The following POTEM variants were observed in gnomAD, a reference collection of about 807,000 sequenced individuals.
POTEM encodes putative POTE ankyrin domain family member M.
For synonymous variants in POTEM, 8 were observed against 113.2 expected, an observed-to-expected ratio of 0.07 and a Z score of 5.90; for missense variants, 24 against 343.0, an observed-to-expected ratio of 0.07 and a Z score of 7.35.
chr14:18,969,317 GTATATATATATA>G (rs796722398), intron 1 of POTEM, among the ~76,000 whole-genome samples: 34 of 84,706 alleles, frequency 4.0e-4, no homozygotes, highest in Non-Finnish European at 7.1e-4. Context: ...GTATATATAT[GTATATATATATA>G]TATACGTATA....
chr14:18,968,822 CAA>C (rs71222663), intron 1 of POTEM, among the ~76,000 whole-genome samples: 88 of 145,746 alleles, frequency 6.0e-4, no homozygotes, highest in African/African-American at 2.1e-3. Flanking sequence ...GACTCCGTCT[CAA>C]AAAAAAAAAA....
intron 6 of POTEM, among the ~76,000 whole-genome samples, chr14:18,982,228 A>G (rs1891100791): frequency 6.6e-6 from 1 of 150,498 alleles, no homozygotes; most frequent in Non-Finnish European, 1.5e-5. Flanking sequence ...AGAATAAGGA[A>G]TGGCTATTGA....
chr14:18,967,956 C>T lies in POTEM; in HGVS notation c.471C>T (p.Leu157=). ...AWWGKVPRKD[L]IVMLKDTDMN... is the part of the protein sequence containing the mutation. ...GGGGTAAAGTCCCCAGAAAGGATCT[C>T]ATCGTCATGCTCAAGGACACTGACA... The change falls in exon 1 of 11, where the codon CTC becomes CTT. Residue 157 remains leucine (L), a synonymous_variant. Coordinates refer to ENST00000547889, the MANE Select transcript of POTEM (RefSeq NM_001145442.1). The T allele has an allele frequency of 1.3e-6, 2 of 1,496,256 alleles. No individual in the cohort carries two copies. Among genetic ancestry groups the T allele is most frequent in the Non-Finnish European group, 9.2e-7 (1 of 1,085,190 alleles). 92.7% of individuals were successfully genotyped at this position (1,496,256 alleles called of 1,614,324 possible). A position where few individuals can be genotyped will look rare whatever the true frequency, so the allele number is the denominator to read the frequency against.
chr14:18,969,335 GTATATACA>G, intron 1 of POTEM, among the ~76,000 whole-genome samples: 1 of 76,988 alleles, frequency 1.3e-5, no homozygotes, highest in Non-Finnish European at 2.5e-5. Flanking sequence ...ATATATATAC[GTATATACA>G]TATATATACA....
intron 9 of POTEM, among the ~76,000 whole-genome samples, chr14:18,996,566 G>A: frequency 8.1e-6 from 1 of 123,284 alleles, no homozygotes; most frequent in African/African-American, 3.3e-5. Flanking sequence ...TCCTAAGAGT[G>A]TGACCTGAAC....
intron 6 of POTEM, among the ~76,000 whole-genome samples, chr14:18,984,811 T>TGTG (rs1324051619): frequency 3.3e-5 from 1 of 30,012 alleles, no homozygotes; most frequent in African/African-American, 2.0e-4. Context: ...ATTAGCTGGG[T>TGTG]GTGGTGGTGC....
At chr14:18,985,809 G>A (rs1376300026) in intron 7 of POTEM, among the ~76,000 whole-genome samples, 369 of 143,834 alleles carry the variant, frequency 2.6e-3, no homozygotes, top group African/African-American at 9.7e-3. Context: ...GGAGGCTGAG[G>A]CAGGAGAATG....
At chr14:18,982,751 G>GTT (rs58175667) in intron 6 of POTEM, among the ~76,000 whole-genome samples, 2 of 48,730 alleles carry the variant, frequency 4.1e-5, no homozygotes, top group African/African-American at 1.4e-4. Context: ...CTTTGTTTTT[G>GTT]TTTTTTTTTT....
At chr14:18,985,897 C>G (rs1280156671) in intron 7 of POTEM, among the ~76,000 whole-genome samples, 11 of 108,384 alleles carry the variant, frequency 1.0e-4, no homozygotes, top group Middle Eastern at 5.3e-3. Context: ...GAGCAAGACT[C>G]TGTGTCAAAA....
In POTEM at chr14:18,999,493, T is replaced by G. The variant is rs1209406007; in HGVS notation, c.*828T>G. Among the ~76,000 whole-genome samples the G allele has an allele frequency of 9.3e-6, 1 of 107,322 alleles. No individual in the cohort carries two copies. The highest frequency in any genetic ancestry group is 2.2e-5 in the Non-Finnish European group (1 of 45,612). The allele number at this position is 107,322 out of a possible 152,430, so 70.4% of individuals were successfully genotyped here. A position where few individuals can be genotyped will look rare whatever the true frequency, so the allele number is the denominator to read the frequency against. On this transcript the variant is annotated 3_prime_UTR_variant, in exon 11 of 11. Transcript: ENST00000547889. Reference sequence around the variant, plus strand: ...ACCACCATGGCCGAGCAGGAAATCGTGCGTGACATCACAGAGAAGCTGTGC... The same window carrying G: ...ACCACCATGGCCGAGCAGGAAATCGGGCGTGACATCACAGAGAAGCTGTGC...
intron 1 of POTEM, among the ~76,000 whole-genome samples, chr14:18,968,659 A>G (rs1468544850): frequency 2.6e-3 from 385 of 148,518 alleles, no homozygotes; most frequent in South Asian, 0.013. Context: ...TCTCTACTAA[A>G]AAATATAAAA....
chr14:18,981,932 A>ATT (rs1891092876), intron 6 of POTEM, among the ~76,000 whole-genome samples: 1 of 148,656 alleles, frequency 6.7e-6, no homozygotes, highest in African/African-American at 2.5e-5. Flanking sequence ...AACAGTAGGA[A>ATT]CCAGAGTTGT....
chr14:18,986,161 A>G (rs1486497868), intron 7 of POTEM, among the ~76,000 whole-genome samples: 2 of 145,192 alleles, frequency 1.4e-5, no homozygotes, highest in Non-Finnish European at 3.0e-5. Flanking sequence ...TTATTTTTAC[A>G]ACACCCTAAC....
chr14:19,002,469 TAAA>T lies in POTEM; in HGVS notation c.*3808_*3810del, dbSNP rs1891397559. On this transcript the variant is annotated 3_prime_UTR_variant, in exon 11 of 11. Coordinates refer to ENST00000547889, the MANE Select transcript of POTEM (RefSeq NM_001145442.1). ...CCCCTTTTAAAAAAGGGGACTTGCT[TAAA>T]AAAGAAGTCTAGCCACGATTGTGTA... Among the ~76,000 whole-genome samples, 1 of 148,250 alleles carries T rather than the reference TAAA, an allele frequency of 6.7e-6. No individual in the cohort carries two copies. The highest frequency in any genetic ancestry group is 2.5e-5 in the African/African-American group (1 of 39,892).
rs1426464294 is a variant in POTEM, at chr14:18,977,811, G to T, written c.1055+208G>T. 1.8e-5 allele frequency: 10 copies of T among 554,834 alleles called. No homozygotes were observed. The African/African-American group carries it at 1.9e-4, about 10-fold the overall frequency. 34.4% of individuals were successfully genotyped at this position (554,834 alleles called of 1,614,324 possible). On this transcript the variant is annotated intron_variant, in intron 5 of 10. Coordinates refer to ENST00000547889, the MANE Select transcript of POTEM (RefSeq NM_001145442.1). ...GTGGGTGCAGGATTCTTTATCTCAGGACTTTTAAGACCTTTATCCATAGAG... is the reference window on the plus strand; with the variant it reads ...GTGGGTGCAGGATTCTTTATCTCAGTACTTTTAAGACCTTTATCCATAGAG...
chr14:18,999,401 A>AG lies in POTEM; in HGVS notation c.*737dup, dbSNP rs1273793174. Among the ~76,000 whole-genome samples the AG allele has an allele frequency of 1.5e-5, 2 of 133,660 alleles. No homozygotes were observed. Among genetic ancestry groups the AG allele is most frequent in the African/African-American group, 5.6e-5 (2 of 35,408 alleles). The allele number at this position is 133,660 out of a possible 152,430, so 87.7% of individuals were successfully genotyped here. Reference sequence around the variant, plus strand: ...CCCTCCCCCATGCCACCCTGCGCCTAGACCTGGCTGGCCGGGAACTGACTG... The same window carrying AG: ...CCCTCCCCCATGCCACCCTGCGCCTAGGACCTGGCTGGCCGGGAACTGACTG... On this transcript the variant is annotated 3_prime_UTR_variant, in exon 11 of 11. Coordinates refer to ENST00000547889, the MANE Select transcript of POTEM (RefSeq NM_001145442.1).
chr14:18,982,798 A>AT (rs1445713588), intron 6 of POTEM, among the ~76,000 whole-genome samples: 1 of 58,292 alleles, frequency 1.7e-5, no homozygotes, highest in Non-Finnish European at 4.0e-5. Flanking sequence ...GTTTAGCTTA[A>AT]TTTTTTTCCC....
At chr14:18,986,123 C>T (rs1214325764) in intron 7 of POTEM, among the ~76,000 whole-genome samples, 2 of 143,112 alleles carry the variant, frequency 1.4e-5, no homozygotes, top group East Asian at 2.0e-4. Flanking sequence ...GGAATAGAGG[C>T]AAAAACAAAT....
rs1891371515 is a variant in POTEM, at chr14:19,000,528, G to GC, written c.*1865dup. ...GTCTCCCTGAGAGTGGCTGGAGGCA[G>GC]CCAGGGCTTACCTGTACTCTGACTT... On this transcript the variant is annotated 3_prime_UTR_variant, in exon 11 of 11. Coordinates refer to ENST00000547889, the MANE Select transcript of POTEM (RefSeq NM_001145442.1). Among the ~76,000 whole-genome samples the GC allele has an allele frequency of 1.1e-5, 1 of 90,216 alleles. No individual in the cohort carries two copies. The highest frequency in any genetic ancestry group is 2.0e-5 in the Non-Finnish European group (1 of 50,356). 59.2% of individuals were successfully genotyped at this position (90,216 alleles called of 152,430 possible). A position where few individuals can be genotyped will look rare whatever the true frequency, so the allele number is the denominator to read the frequency against.
Sources: gnomAD v4.1 joint callset for allele counts (sites outside exome capture counted in the v4.1 genomes callset) on GRCh38, gnomAD v4.1.1 for gene constraint, MANE v1.5 for transcripts, NCBI Gene and HGNC (gene_info 2026-07-23, HGNC 2026-07-21) for gene names.